Variants in RORA observed in about 807,000 individuals in gnomAD.
RORA encodes nuclear receptor ROR-alpha.
Under a neutral mutation model 69.5 loss-of-function variants are expected in RORA, and 7 were observed. The ratio of observed to expected loss-of-function variants is 0.10; its 90% CI spans 0.06 to 0.19. RORA has a LOEUF of 0.19. RORA is among the 10% of genes least tolerant of loss of function. The probability of loss-of-function intolerance (pLI) is 1.00; values close to 1 mark genes in which losing one functional copy is unlikely to be tolerated. For missense variants in RORA, 457 were observed against 663.0 expected, an observed-to-expected ratio of 0.69 and a Z score of 3.41; for synonymous variants, 261 against 240.8, an observed-to-expected ratio of 1.08 and a Z score of -0.78.
intron 1 of RORA, among the ~76,000 whole-genome samples, chr15:61,002,837 T>C (rs1362395629): frequency 6.6e-6 from 1 of 151,872 alleles, no homozygotes; most frequent in Non-Finnish European, 1.5e-5. Context: ...CACTTGAAAA[T>C]ACAAGGACAT....
At chr15:60,533,849 C>T (rs574722863) in intron 2 of RORA, among the ~76,000 whole-genome samples, 1 of 152,364 alleles carries the variant, frequency 6.6e-6, no homozygotes, top group East Asian at 1.9e-4. Context: ...CTGTCCATGT[C>T]TCACCTCAAG....
intron 1 of RORA, among the ~76,000 whole-genome samples, chr15:61,008,722 A>C (rs1434047181): frequency 1.3e-5 from 2 of 152,098 alleles, no homozygotes; most frequent in Non-Finnish European, 1.5e-5. Flanking sequence ...ACTTGATTCC[A>C]TTAGAAAAAA....
intron 1 of RORA, among the ~76,000 whole-genome samples, chr15:61,188,206 ACT>A (rs537781974): frequency 9.2e-5 from 14 of 151,796 alleles, no homozygotes; most frequent in African/African-American, 3.1e-4. Context: ...GGATAGGGAA[ACT>A]CTGCAAAAGG....
At chr15:60,500,605 G>T (rs1403711710) in intron 9 of RORA, among the ~76,000 whole-genome samples, 1 of 152,122 alleles carries the variant, frequency 6.6e-6, no homozygotes, top group African/African-American at 2.4e-5. Context: ...CAAAAAAATA[G>T]GATGTCTTAA....
intron 2 of RORA, among the ~76,000 whole-genome samples, chr15:60,656,286 C>T (rs2070220927): frequency 6.6e-6 from 1 of 152,142 alleles, no homozygotes; most frequent in South Asian, 2.1e-4. Flanking sequence ...CTTCTGAGTC[C>T]CCAGTGCAGC....
intron 2 of RORA, chr15:60,592,650 AGGCGGG>A: frequency 9.0e-7 from 1 of 1,115,504 alleles, no homozygotes; most frequent in Non-Finnish European, 1.1e-6. Context: ...GGGAGGCGGG[AGGCGGG>A]AGGCAGGCGC....
intron 1 of RORA, among the ~76,000 whole-genome samples, chr15:60,730,708 C>T (rs2071418800): frequency 1.3e-5 from 2 of 152,310 alleles, no homozygotes; most frequent in African/African-American, 2.4e-5. Context: ...AATACTATAT[C>T]ATGGATTCAT....
intron 1 of RORA, among the ~76,000 whole-genome samples, chr15:61,036,821 C>T (rs1027737248): frequency 6.9e-6 from 1 of 145,600 alleles, no homozygotes; most frequent in Non-Finnish European, 1.5e-5. Context: ...CACCCCTGCC[C>T]TTCTCCCAAA....
chr15:61,081,793 G>A (rs539561328), intron 1 of RORA, among the ~76,000 whole-genome samples: 1 of 143,098 alleles, frequency 7.0e-6, no homozygotes, highest in South Asian at 2.2e-4. Context: ...AGGCAACAGA[G>A]CAAGACTCTG....
At chr15:60,614,413 A>C (rs1225649797) in intron 2 of RORA, among the ~76,000 whole-genome samples, 3 of 152,218 alleles carry the variant, frequency 2.0e-5, no homozygotes, top group African/African-American at 7.2e-5. Flanking sequence ...AAATCAGTAC[A>C]AATGCAACCT....
chr15:60,725,682 C>A (rs1158343746), intron 1 of RORA, among the ~76,000 whole-genome samples: 1 of 151,846 alleles, frequency 6.6e-6, no homozygotes, highest in Admixed American at 6.6e-5. Flanking sequence ...TTTTTTGTAC[C>A]CCCTCCCATG....
At chr15:60,789,812 G>T (rs1047330704) in intron 1 of RORA, among the ~76,000 whole-genome samples, 1 of 152,138 alleles carries the variant, frequency 6.6e-6, no homozygotes, top group East Asian at 1.9e-4. Flanking sequence ...GTCTACTTCT[G>T]GTCTCTTGAG....
At chr15:61,025,189 G>A (rs932498841) in intron 1 of RORA, among the ~76,000 whole-genome samples, 11 of 152,162 alleles carry the variant, frequency 7.2e-5, no homozygotes, top group Admixed American at 4.6e-4. Context: ...GAAAGTTCTA[G>A]CCATTCTTAT....
chr15:61,022,873 C>T (rs1422963774), intron 1 of RORA, among the ~76,000 whole-genome samples: 4 of 151,894 alleles, frequency 2.6e-5, no homozygotes, highest in African/African-American at 9.7e-5. Context: ...AGCAGTATCC[C>T]TAGTGGTAAT....
chr15:61,108,439 C>T (rs2078971879), intron 1 of RORA, among the ~76,000 whole-genome samples: 1 of 152,156 alleles, frequency 6.6e-6, no homozygotes, highest in South Asian at 2.1e-4. Context: ...GGGCTGAATG[C>T]CTGTTTATAT....
chr15:60,954,598 G>T (rs963517236), intron 1 of RORA, among the ~76,000 whole-genome samples: 1 of 152,108 alleles, frequency 6.6e-6, no homozygotes, highest in African/African-American at 2.4e-5. Context: ...ACCTATGTGG[G>T]GTTTCTACTG....
At chr15:61,006,566 G>A (rs1344742927) in intron 1 of RORA, among the ~76,000 whole-genome samples, 3 of 152,108 alleles carry the variant, frequency 2.0e-5, no homozygotes, top group African/African-American at 7.2e-5. Context: ...AAGTGATAAT[G>A]CATGTGTTAA....
chr15:61,129,707 G>A (rs758883965), intron 1 of RORA, among the ~76,000 whole-genome samples: 4 of 152,222 alleles, frequency 2.6e-5, no homozygotes, highest in Non-Finnish European at 5.9e-5. Flanking sequence ...CGGGCACTCT[G>A]CTAACCCTAC....
intron 1 of RORA, among the ~76,000 whole-genome samples, chr15:61,156,243 G>A (rs1208892561): frequency 6.6e-6 from 1 of 152,124 alleles, no homozygotes; most frequent in Non-Finnish European, 1.5e-5. Flanking sequence ...ATTAAGATAT[G>A]TTAAAATCTG....
Sources: allele counts gnomAD v4.1 joint callset (sites outside exome capture counted in the v4.1 genomes callset), GRCh38; gene constraint gnomAD v4.1.1; transcripts MANE v1.5; gene names NCBI Gene and HGNC (gene_info 2026-07-23, HGNC 2026-07-21).